MCF2L2: variants seen among roughly 807,000 people sequenced by gnomAD.
MCF2L2 encodes probable guanine nucleotide exchange factor MCF2L2.
MCF2L2 carries 102 observed loss-of-function variants against 150.2 expected under a neutral mutation model. That is an observed-to-expected ratio of 0.68 (90% CI 0.58 to 0.80). The LOEUF (loss-of-function observed/expected upper bound fraction) is 0.80. Among genes scored for constraint, MCF2L2 ranks in the 30% least tolerant of loss-of-function variants. MCF2L2 has a pLI of 0.00. For synonymous variants in MCF2L2, 465 were observed against 491.3 expected, an observed-to-expected ratio of 0.95 and a Z score of 0.71; for missense variants, 1,256 against 1,372.8, an observed-to-expected ratio of 0.91 and a Z score of 1.34.
intron 12 of MCF2L2, chr3:183,296,771 G>T (rs572300100): frequency 3.6e-6 from 2 of 549,668 alleles, no homozygotes; most frequent in South Asian, 2.3e-5. Flanking sequence ...ATAGAGAAAT[G>T]ACTGATTTGA....
intron 6 of MCF2L2, among the ~76,000 whole-genome samples, chr3:183,319,395 T>C (rs1729725747): frequency 6.6e-6 from 1 of 152,164 alleles, no homozygotes; most frequent in Non-Finnish European, 1.5e-5. Context: ...TCCATGAGGG[T>C]GGGAATCAGC....
At chr3:183,239,243 C>T (rs1190735102) in intron 15 of MCF2L2, among the ~76,000 whole-genome samples, 1 of 152,132 alleles carries the variant, frequency 6.6e-6, no homozygotes, top group African/African-American at 2.4e-5. Flanking sequence ...TAGTTTACAT[C>T]CGGGCACTTT....
chr3:183,299,104 C>CCGCTG (rs1728709040), intron 11 of MCF2L2: 1 of 152,390 alleles, frequency 6.6e-6, no homozygotes, highest in Non-Finnish European at 1.5e-5. Context: ...TGACTGGGAA[C>CCGCTG]ATACCCTAGA....
chr3:183,412,910 G>A (rs1420696870), intron 1 of MCF2L2, among the ~76,000 whole-genome samples: 2 of 152,146 alleles, frequency 1.3e-5, no homozygotes, highest in Non-Finnish European at 2.9e-5. Flanking sequence ...TCTACTCCTA[G>A]AAGTGTTTGT....
chr3:183,384,450 C>G (rs1713710715), intron 2 of MCF2L2, among the ~76,000 whole-genome samples: 1 of 152,230 alleles, frequency 6.6e-6, no homozygotes, highest in South Asian at 2.1e-4. Flanking sequence ...CTCCTAAGAT[C>G]AGTGCTTGAG....
chr3:183,313,148 A>G (rs1729455017), intron 7 of MCF2L2, among the ~76,000 whole-genome samples: 1 of 152,186 alleles, frequency 6.6e-6, no homozygotes, highest in Non-Finnish European at 1.5e-5. Context: ...TTGGGTCAGT[A>G]TCTTAGCCAT....
In MCF2L2 at chr3:183,364,341, C is replaced by T. The variant is rs1712393300; in HGVS notation, c.275+14956G>A. Among the ~76,000 whole-genome samples the T allele has an allele frequency of 5.3e-5, 8 of 151,594 alleles. No homozygotes were observed. In the South Asian group the frequency reaches 1.5e-3, roughly 28 times the overall value. On this transcript the variant is annotated intron_variant, in intron 3 of 29. Transcript: ENST00000328913. ...ACCATCCTGGCTAACACGGTGAAAC[C>T]CCGTCGCTACTAAAAATACAAAAAA...
At chr3:183,366,320 A>G (rs1560042595) in intron 3 of MCF2L2, among the ~76,000 whole-genome samples, 1 of 152,140 alleles carries the variant, frequency 6.6e-6, no homozygotes, top group Non-Finnish European at 1.5e-5. Flanking sequence ...AAATACAGCC[A>G]TTTTCAAATG....
chr3:183,251,098 A>G (rs913190973), intron 15 of MCF2L2, among the ~76,000 whole-genome samples: 2 of 152,218 alleles, frequency 1.3e-5, no homozygotes, highest in South Asian at 4.1e-4. Flanking sequence ...CTAACAGCCC[A>G]GGCCTTGAAT....
At chr3:183,185,532 GA>G (rs1376460994) in intron 27 of MCF2L2, among the ~76,000 whole-genome samples, 1 of 152,258 alleles carries the variant, frequency 6.6e-6, no homozygotes, top group Non-Finnish European at 1.5e-5. Flanking sequence ...CAAAGAGATG[GA>G]GCTGCACTTG....
At chr3:183,325,897 T>C (rs552859892) in intron 5 of MCF2L2, among the ~76,000 whole-genome samples, 6 of 152,368 alleles carry the variant, frequency 3.9e-5, no homozygotes, top group South Asian at 2.1e-4. Context: ...CTGTTAAGTA[T>C]TGATCTGTAG....
chr3:183,234,258 A>C (rs985592761), intron 15 of MCF2L2, among the ~76,000 whole-genome samples: 2 of 152,214 alleles, frequency 1.3e-5, no homozygotes. Flanking sequence ...AGCTGGCTTC[A>C]GGATGCATTG....
At position 183,179,328 on chromosome 3, in the gene MCF2L2, C is replaced by T. The variant is rs1721426399; in HGVS notation, c.*52G>A. The T allele has an allele frequency of 7.2e-6, 10 of 1,389,502 alleles. No homozygotes were observed. In the South Asian group the frequency reaches 1.6e-4, roughly 22 times the overall value. 86.1% of individuals were successfully genotyped at this position (1,389,502 alleles called of 1,614,324 possible). On this transcript the variant is annotated 3_prime_UTR_variant, in exon 30 of 30. Coordinates refer to ENST00000328913, the MANE Select transcript of MCF2L2 (RefSeq NM_015078.4). The surrounding 1 kb of genome is among the most constrained non-coding windows in gnomAD (Gnocchi z 4.2). ...GGGCCCGGGCCCCCACACCGCCTCT[C>T]CCGGGAATGCGGGCGCTCTGGAGCC...
At position 183,297,095 on chromosome 3, in the gene MCF2L2, C is replaced by T; in HGVS notation, c.1378G>A (p.Gly460Arg). Reference protein sequence around the residue: ...QAVDKCQSREGVDIALNDIAT... With the variant: ...QAVDKCQSRERVDIALNDIAT... ...ATGTCGTTCAAGGCGATATCAACCC[C>T]TTCTCGAGACTGGCACTTGTCTACA... The change falls in exon 12 of 30, where the codon GGG becomes AGG. Residue 460 changes from glycine (G) to arginine (R), a missense_variant. By Grantham distance (125) the Gly-to-Arg change is moderately radical (BLOSUM62 -2). Transcript: ENST00000328913. The T allele has an allele frequency of 6.2e-7, 1 of 1,614,210 alleles. No homozygotes were observed. The highest frequency in any genetic ancestry group is 8.5e-7 in the Non-Finnish European group (1 of 1,180,028).
At chr3:183,304,259 G>A (rs1488482850) in intron 10 of MCF2L2, among the ~76,000 whole-genome samples, 1 of 152,204 alleles carries the variant, frequency 6.6e-6, no homozygotes, top group East Asian at 1.9e-4. Flanking sequence ...AACAGTGCAT[G>A]CTGCATCTTA....
intron 27 of MCF2L2, among the ~76,000 whole-genome samples, chr3:183,186,109 T>A (rs1721683816): frequency 6.6e-6 from 1 of 152,146 alleles, no homozygotes; most frequent in African/African-American, 2.4e-5. Context: ...AGCCCAAAGA[T>A]GAGTGGCAGG....
intron 3 of MCF2L2, among the ~76,000 whole-genome samples, chr3:183,357,281 A>T (rs565553492): frequency 3.3e-4 from 51 of 152,340 alleles, no homozygotes; most frequent in South Asian, 1.7e-3. Context: ...AAACATTTTT[A>T]AAAAAACAAG....
chr3:183,306,813 C>G (rs1729121882), intron 10 of MCF2L2, among the ~76,000 whole-genome samples: 1 of 152,174 alleles, frequency 6.6e-6, no homozygotes, highest in South Asian at 2.1e-4. Flanking sequence ...GCCTGGGTTC[C>G]ATGCCTTCTT....
intron 1 of MCF2L2, among the ~76,000 whole-genome samples, chr3:183,412,858 G>A (rs956014138): frequency 6.6e-6 from 1 of 151,992 alleles, no homozygotes. Flanking sequence ...GTTAACTGTG[G>A]GCTTTTCATA....
Sources: gnomAD v4.1 joint callset for allele counts (sites outside exome capture counted in the v4.1 genomes callset) on GRCh38, gnomAD v4.1.1 for gene constraint, Gnocchi (gnomAD v3.1) non-coding constraint, MANE v1.5 for transcripts, NCBI Gene and HGNC (gene_info 2026-07-23, HGNC 2026-07-21) for gene names.